Variants in C1orf21 observed in about 807,000 individuals in gnomAD.
C1orf21 encodes the protein uncharacterized protein C1orf21.
Under a neutral mutation model 18.7 loss-of-function variants are expected in C1orf21, and 3 were observed. The observed-to-expected ratio is 0.16, with a 90% CI of 0.07 to 0.42. The LOEUF (loss-of-function observed/expected upper bound fraction) is 0.42. Among genes scored for constraint, C1orf21 ranks in the 10% least tolerant of loss-of-function variants. The pLI is 0.99. For synonymous variants in C1orf21, 41 were observed against 46.4 expected (o/e 0.88, Z 0.47); for missense variants, 104 against 143.6 (o/e 0.72, Z 1.41).
Position 184,563,978 on chromosome 1 carries a change from C to T in C1orf21, c.190-26761C>T, listed in dbSNP as rs559897054. ...CAAGAAATGCTAATAGTACTTATAT[C>T]GTAAGGCTGTTGTGGTTACTATGCA... On this transcript the variant is annotated intron_variant, in intron 3 of 5. Coordinates refer to ENST00000235307, the MANE Select transcript of C1orf21 (RefSeq NM_030806.4). 1.6e-4 allele frequency among the ~76,000 whole-genome samples: 25 copies of T among 152,288 alleles called. No homozygotes were observed. The Middle Eastern group carries it at 0.014, about 83-fold the overall frequency.
At chr1:184,493,698 G>T (rs183783097) in intron 2 of C1orf21, among the ~76,000 whole-genome samples, 2 of 152,176 alleles carry the variant, frequency 1.3e-5, no homozygotes, top group African/African-American at 4.8e-5. Context: ...TGTGTTAGCT[G>T]TTTAACACAA....
chr1:184,550,933 A>T (rs993163637), intron 3 of C1orf21, among the ~76,000 whole-genome samples: 1 of 152,240 alleles, frequency 6.6e-6, no homozygotes, highest in Non-Finnish European at 1.5e-5. Flanking sequence ...ATGATGAAAT[A>T]AAAAAGAATT....
At chr1:184,545,729 G>A (rs1338114478) in intron 3 of C1orf21, among the ~76,000 whole-genome samples, 1 of 152,148 alleles carries the variant, frequency 6.6e-6, no homozygotes, top group African/African-American at 2.4e-5. Flanking sequence ...AAGAATTCTT[G>A]TTGCAACAAG....
At chr1:184,392,079 G>A (rs866474037) in intron 1 of C1orf21, among the ~76,000 whole-genome samples, 21 of 152,146 alleles carry the variant, frequency 1.4e-4, no homozygotes, top group African/African-American at 5.1e-4. Flanking sequence ...TTTGACAGGC[G>A]TTCCTTCCCT....
At chr1:184,586,878 GT>G (rs1334218892) in intron 3 of C1orf21, among the ~76,000 whole-genome samples, 1 of 152,084 alleles carries the variant, frequency 6.6e-6, no homozygotes, top group Non-Finnish European at 1.5e-5. Context: ...CCAAAATGCT[GT>G]TGCCTAGGTT....
chr1:184,582,741 T>C (rs532430247), intron 3 of C1orf21, among the ~76,000 whole-genome samples: 47 of 152,366 alleles, frequency 3.1e-4, no homozygotes, highest in African/African-American at 1.1e-3. Flanking sequence ...GTTCCATTCC[T>C]TGCAGACAAT....
rs567877999 is a variant in C1orf21, at chr1:184,400,164, G to A, written c.-125+12796G>A. ...GGCTTCTGAATCTTTTTGATGAGAC[G>A]ACAGTAGTTTTTGATAACATTTTTA... On this transcript the variant is annotated intron_variant, in intron 1 of 5. Coordinates refer to ENST00000235307, the MANE Select transcript of C1orf21 (RefSeq NM_030806.4). Among the ~76,000 whole-genome samples the A allele has an allele frequency of 1.8e-4, 28 of 152,214 alleles. No individual in the cohort carries two copies. The East Asian group carries it at 5.4e-3, about 29-fold the overall frequency.
intron 1 of C1orf21, among the ~76,000 whole-genome samples, chr1:184,445,808 A>G (rs544461823): frequency 1.3e-5 from 2 of 152,330 alleles, no homozygotes; most frequent in East Asian, 1.9e-4. Context: ...AAAATGTTAC[A>G]TAGGGATAAT....
chr1:184,564,609 A>G (rs1287142660), intron 3 of C1orf21, among the ~76,000 whole-genome samples: 1 of 152,148 alleles, frequency 6.6e-6, no homozygotes, highest in Non-Finnish European at 1.5e-5. Flanking sequence ...CTGGCCTAAT[A>G]ATAATAATTC....
chr1:184,473,312 A>C (rs1387138816), intron 1 of C1orf21, among the ~76,000 whole-genome samples: 2 of 152,204 alleles, frequency 1.3e-5, no homozygotes, highest in African/African-American at 4.8e-5. Flanking sequence ...GTGACAACAA[A>C]AGTCTCAGAG....
intron 1 of C1orf21, among the ~76,000 whole-genome samples, chr1:184,473,466 T>TA (rs747630430): frequency 1.4e-3 from 207 of 144,852 alleles, no homozygotes; most frequent in Non-Finnish European, 1.9e-3. Context: ...AAATGGAAGC[T>TA]AAAAAAAAAA....
intron 3 of C1orf21, among the ~76,000 whole-genome samples, chr1:184,570,794 G>C (rs1041924693): frequency 5.3e-5 from 8 of 152,248 alleles, no homozygotes; most frequent in African/African-American, 1.2e-4. Context: ...ACCAGGAAAC[G>C]TTCAAAGAAA....
At chr1:184,518,906 G>A (rs1421933698) in intron 3 of C1orf21, among the ~76,000 whole-genome samples, 1 of 151,952 alleles carries the variant, frequency 6.6e-6, no homozygotes, top group African/African-American at 2.4e-5. Flanking sequence ...ATATGAAATT[G>A]GGAAACAGAT....
chr1:184,478,616 C>T (rs185896492), intron 2 of C1orf21, among the ~76,000 whole-genome samples: 93 of 152,336 alleles, frequency 6.1e-4, no homozygotes, highest in African/African-American at 2.1e-3. Context: ...GGTGCATGCA[C>T]ACCGAGTTCA....
At chr1:184,480,063 C>T (rs962925054) in intron 2 of C1orf21, among the ~76,000 whole-genome samples, 8 of 152,090 alleles carry the variant, frequency 5.3e-5, no homozygotes, top group African/African-American at 1.9e-4. Context: ...GGAAGTGTTA[C>T]GAGGTAGAAT....
intron 4 of C1orf21, among the ~76,000 whole-genome samples, chr1:184,595,184 C>T (rs143564755): frequency 1.3e-5 from 2 of 152,294 alleles, no homozygotes; most frequent in African/African-American, 4.8e-5. Flanking sequence ...TTGGTTAAGT[C>T]AGGTACCAAT....
chr1:184,597,898 G>A (rs1048054371), intron 4 of C1orf21, among the ~76,000 whole-genome samples: 1 of 152,192 alleles, frequency 6.6e-6, no homozygotes, highest in Non-Finnish European at 1.5e-5. Flanking sequence ...GTGCTCAGTA[G>A]TAATATCAGG....
intron 2 of C1orf21, among the ~76,000 whole-genome samples, chr1:184,503,393 A>T (rs965449615): frequency 6.6e-6 from 1 of 152,016 alleles, no homozygotes; most frequent in Non-Finnish European, 1.5e-5. Flanking sequence ...CTCCAAATTT[A>T]GAGTCAGCCC....
rs139986829 is a variant in C1orf21 at position 184,604,718 on chromosome 1, G to A, written c.327+6257G>A. ...TGTCATGATGATGACACTGGTGTAGGAACCACTGGTGAAGTGTGTGCATAC... is the reference window on the plus strand; with the variant it reads ...TGTCATGATGATGACACTGGTGTAGAAACCACTGGTGAAGTGTGTGCATAC... On this transcript the variant is annotated intron_variant, in intron 5 of 5. Coordinates refer to ENST00000235307, the MANE Select transcript of C1orf21 (RefSeq NM_030806.4). Among the ~76,000 whole-genome samples the A allele has an allele frequency of 7.6e-3, 1,160 of 152,256 alleles. 9 individuals are homozygous for A. The highest frequency in any genetic ancestry group is 0.014 in the Middle Eastern group (4 of 294).
Sources: allele counts gnomAD v4.1 joint callset (sites outside exome capture counted in the v4.1 genomes callset), GRCh38; gene constraint gnomAD v4.1.1; transcripts MANE v1.5; gene names NCBI Gene and HGNC (gene_info 2026-07-23, HGNC 2026-07-21).